Variants in DCAKD observed in about 807,000 individuals in gnomAD.
DCAKD encodes dephospho-CoA kinase domain containing, also known as dephospho-CoA kinase domain-containing protein.
DCAKD carries 15 observed loss-of-function variants against 18.7 expected under a neutral mutation model. The ratio of observed to expected loss-of-function variants is 0.80; its 90% CI spans 0.54 to 1.24. The LOEUF is 1.24. DCAKD is among the 50% of genes most tolerant of loss of function. The pLI is 0.00. For synonymous variants in DCAKD, 130 were observed against 133.0 expected, an observed-to-expected ratio of 0.98 and a Z score of 0.16; for missense variants, 301 against 322.0, an observed-to-expected ratio of 0.93 and a Z score of 0.50.
At chr17:45,047,300 G>C (rs1171229577) in intron 1 of DCAKD, among the ~76,000 whole-genome samples, 1 of 151,520 alleles carries the variant, frequency 6.6e-6, no homozygotes, top group Non-Finnish European at 1.5e-5. Context: ...TATTTTTTTC[G>C]AGGCAGAGTC....
intron 1 of DCAKD, among the ~76,000 whole-genome samples, chr17:45,058,806 G>C (rs1279534237): frequency 1.3e-5 from 2 of 152,104 alleles, no homozygotes; most frequent in East Asian, 1.9e-4. Context: ...AGCAGTCTTA[G>C]ACCCCGGAGA....
At chr17:45,029,845 C>T (rs2053138061) in intron 4 of DCAKD, among the ~76,000 whole-genome samples, 1 of 152,084 alleles carries the variant, frequency 6.6e-6, no homozygotes, top group Admixed American at 6.6e-5. Context: ...GAAGTGCCTG[C>T]AATGGTCAGC....
rs1231942369 is a variant in DCAKD, at chr17:45,024,334, TGTGTGGGG to T, written c.*91_*98del. ...GTGTGTGTGTGTGTGTGTGTGTGTGTGTGTGGGGAGGGGGCTGAGAGGAAACAGGATGT... is the reference window on the plus strand; with the variant it reads ...GTGTGTGTGTGTGTGTGTGTGTGTGTAGGGGGCTGAGAGGAAACAGGATGT... On this transcript the variant is annotated 3_prime_UTR_variant, in exon 5 of 5. Transcript: ENST00000651974. The T allele has an allele frequency of 9.2e-3, 366 of 39,618 alleles. 6 individuals carry two copies. Among genetic ancestry groups the T allele is most frequent in the Non-Finnish European group, 0.015 (273 of 18,590 alleles). 2.5% of individuals were successfully genotyped at this position (39,618 alleles called of 1,614,324 possible).
intron 1 of DCAKD, among the ~76,000 whole-genome samples, chr17:45,058,081 A>G (rs62065829): frequency 0.52 from 74,102 of 142,920 alleles, 19,308 homozygotes; most frequent in Middle Eastern, 0.63. Context: ...TTGGGAGGCC[A>G]AGGCAGGTGG....
rs748998128 is a variant in DCAKD, at chr17:45,034,292, C to T, written c.211G>A (p.Asp71Asn). ...CGGTCAGGCTGGTTAAAGATCAGGT[C>T]CCCCAGGACCTTGCGATTTATGTCG... The part of the protein sequence containing the change: ...NGDINRKVLG[D>N]LIFNQPDRRQ... The change falls in exon 3 of 5, where the codon GAC (aspartate) becomes AAC (asparagine). Residue 71 changes from aspartate (D) to asparagine (N), a missense_variant. Asp to Asn is a conservative substitution (Grantham distance 23). Coordinates refer to ENST00000651974, the MANE Select transcript of DCAKD (RefSeq NM_001288655.2). The T allele has an allele frequency of 6.2e-7, 1 of 1,614,198 alleles. No individual in the cohort carries two copies. The highest frequency in any genetic ancestry group is 1.1e-5 in the South Asian group (1 of 91,082).
rs76225419 is a variant in DCAKD, at chr17:45,058,889, G to A, written c.-118+1999C>T. On this transcript the variant is annotated intron_variant, in intron 1 of 4. Transcript: ENST00000310604. ...CTTCCAAAGTCAAATATAAATGACT[G>A]AGGATTATCTGCTGCTTTGGATCAT... Among the ~76,000 whole-genome samples, 4 of 152,090 alleles carry A rather than the reference G, an allele frequency of 2.6e-5. No homozygotes were observed. In the East Asian group the frequency reaches 7.7e-4, roughly 29 times the overall value.
At chr17:45,048,121 T>A (rs1018953824) in intron 1 of DCAKD, among the ~76,000 whole-genome samples, 1 of 151,926 alleles carries the variant, frequency 6.6e-6, no homozygotes, top group Non-Finnish European at 1.5e-5. Flanking sequence ...AGGCACAGTA[T>A]CTCATGCATA....
At chr17:45,043,658 G>A (rs2053491803) in intron 1 of DCAKD, among the ~76,000 whole-genome samples, 1 of 152,200 alleles carries the variant, frequency 6.6e-6, no homozygotes, top group Admixed American at 6.5e-5. Flanking sequence ...ACTGAGGAGT[G>A]CCCTCCATTT....
Position 45,034,389 on chromosome 17 carries a change from G to A in DCAKD, c.114C>T (p.Val38=), listed in dbSNP as rs150715564. The change falls in exon 3 of 5, where the codon GTC becomes GTT. Residue 38 remains valine (V), a splice_region_variant and synonymous_variant. Coordinates refer to ENST00000651974, the MANE Select transcript of DCAKD (RefSeq NM_001288655.2). The stretch of plus-strand genomic sequence containing the variant: ...GGTGGGCAGGGTATCCTGGCTGCAC[G>A]ACTGTGGCAGGAGGAAGAAGCTGGG... ...VIDVDVMARH[V]VQPGYPAHRR... 5.8e-5 allele frequency: 94 copies of A among 1,613,480 alleles called. No individual in the cohort carries two copies. In the African/African-American group the frequency reaches 8.9e-4, roughly 15 times the overall value.
In DCAKD at chr17:45,024,360, C is replaced by T. The variant is rs2053008655; in HGVS notation, c.*73G>A. 7.0e-7 allele frequency: 1 copy of T among 1,421,736 alleles called. No homozygotes were observed. Among genetic ancestry groups the T allele is most frequent in the African/African-American group, 1.4e-5 (1 of 69,030 alleles). The allele number at this position is 1,421,736 out of a possible 1,614,324, so 88.1% of individuals were successfully genotyped here. A position where few individuals can be genotyped will look rare whatever the true frequency, so the allele number is the denominator to read the frequency against. ...GTGTGGGGAGGGGGCTGAGAGGAAA[C>T]AGGATGTGTTACCTGGCTTCAGCCT... On this transcript the variant is annotated 3_prime_UTR_variant, in exon 5 of 5. Coordinates refer to ENST00000651974, the MANE Select transcript of DCAKD (RefSeq NM_001288655.2).
chr17:45,059,450 A>G (rs1224175155), intron 1 of DCAKD, among the ~76,000 whole-genome samples: 2 of 151,996 alleles, frequency 1.3e-5, no homozygotes, highest in African/African-American at 4.8e-5. Context: ...CACCCACCAC[A>G]CTCAACCCGA....
At position 45,051,575 on chromosome 17, in the gene DCAKD, G is replaced by A. The variant is rs189906350; in HGVS notation, c.-329C>T. 2.0e-5 allele frequency: 3 copies of A among 151,484 alleles called. No individual in the cohort carries two copies. The highest frequency in any genetic ancestry group is 4.8e-5 in the African/African-American group (2 of 41,402). 9.4% of individuals were successfully genotyped at this position (151,484 alleles called of 1,614,324 possible). On this transcript the variant is annotated 5_prime_UTR_variant, in exon 1 of 5. Coordinates refer to ENST00000651974, the MANE Select transcript of DCAKD (RefSeq NM_001288655.2). ...TACCCAGCGCCTCCGCCGTGGCCCA[G>A]GCCTCCGCCTCTAGCCCAATCTCCG...
chr17:45,056,537 G>T (rs369606282), upstream of DCAKD, among the ~76,000 whole-genome samples: 1 of 151,970 alleles, frequency 6.6e-6, no homozygotes, highest in Non-Finnish European at 1.5e-5. Context: ...GCAATGGTGC[G>T]ATCTCGGCTC....
chr17:45,043,039 C>T (rs1012667376), intron 1 of DCAKD, among the ~76,000 whole-genome samples: 4 of 152,204 alleles, frequency 2.6e-5, no homozygotes, highest in African/African-American at 9.6e-5. Context: ...AGGGACTGCA[C>T]ATTCTCAGAG....
Position 45,024,428 on chromosome 17 carries a change from C to G in DCAKD, c.*5G>C. 6.3e-7 allele frequency: 1 copy of G among 1,588,582 alleles called. No individual in the cohort carries two copies. Among genetic ancestry groups the G allele is most frequent in the Non-Finnish European group, 8.6e-7 (1 of 1,160,518 alleles). ...GGCCTGGGGCTCCCTGCCTTGAGTG[C>G]CCCACTAGGCGTAAGGCAGAAGGTA... On this transcript the variant is annotated 3_prime_UTR_variant, in exon 5 of 5. Transcript: ENST00000651974.
chr17:45,041,722 G>C (rs2053441065), intron 1 of DCAKD, among the ~76,000 whole-genome samples: 1 of 152,032 alleles, frequency 6.6e-6, no homozygotes, highest in South Asian at 2.1e-4. Context: ...CAACCAATCA[G>C]ACACCAGGCA....
At chr17:45,029,378 A>T (rs2053126918) in intron 4 of DCAKD, among the ~76,000 whole-genome samples, 1 of 152,220 alleles carries the variant, frequency 6.6e-6, no homozygotes, top group Admixed American at 6.5e-5. Context: ...TGCCCAAAAT[A>T]CCAGCAGAGC....
intron 1 of DCAKD, among the ~76,000 whole-genome samples, chr17:45,040,387 CAAAAAAAAAAA>C (rs34624870): frequency 1.2e-5 from 1 of 80,336 alleles, no homozygotes; most frequent in African/African-American, 4.8e-5. Context: ...GACTCCATCT[CAAAAAAAAAAA>C]AAAAAAAAAG....
intron 1 of DCAKD, among the ~76,000 whole-genome samples, chr17:45,049,659 A>G (rs1029755980): frequency 6.6e-6 from 1 of 151,812 alleles, no homozygotes; most frequent in African/African-American, 2.4e-5. Flanking sequence ...GAAAGTTTCA[A>G]TCTAAAGCTA....
Sources: allele counts gnomAD v4.1 joint callset (sites outside exome capture counted in the v4.1 genomes callset), GRCh38; gene constraint gnomAD v4.1.1; transcripts MANE v1.5; gene names NCBI Gene and HGNC (gene_info 2026-07-23, HGNC 2026-07-21).